NCKAP5: variants seen among roughly 807,000 people sequenced by gnomAD.
The protein encoded by NCKAP5 is NCK associated protein 5.
NCKAP5 carries 92 observed loss-of-function variants against 167.0 expected under a neutral mutation model. That is an observed-to-expected ratio of 0.55 (90% CI 0.47 to 0.66). The LOEUF (loss-of-function observed/expected upper bound fraction) is 0.66, where lower values mean the gene tolerates loss of function less well. NCKAP5 is among the 30% of genes least tolerant of loss of function. NCKAP5 has a pLI of 0.00. For missense variants in NCKAP5, 2,378 were observed against 2,315.0 expected (o/e 1.03, Z -0.56); for synonymous variants, 891 against 877.4 (o/e 1.02, Z -0.27).
intron 2 of NCKAP5, among the ~76,000 whole-genome samples, chr2:133,521,605 A>G (rs1354154878): frequency 6.6e-6 from 1 of 152,214 alleles, no homozygotes; most frequent in East Asian, 1.9e-4. Context: ...CTTGTCTTGC[A>G]GATGGACATC....
chr2:133,179,264 A>G (rs1190514516), intron 5 of NCKAP5, among the ~76,000 whole-genome samples: 1 of 147,336 alleles, frequency 6.8e-6, no homozygotes, highest in African/African-American at 2.5e-5. Context: ...TGCAGTTTGT[A>G]TTACACTTAC....
At chr2:133,192,199 AAC>A (rs1481781191) in intron 5 of NCKAP5, among the ~76,000 whole-genome samples, 2 of 152,080 alleles carry the variant, frequency 1.3e-5, no homozygotes, top group Non-Finnish European at 2.9e-5. Context: ...ATGTGGGAAA[AAC>A]AGTCTTCAAA....
intron 2 of NCKAP5, among the ~76,000 whole-genome samples, chr2:133,549,241 G>A (rs1684918341): frequency 6.6e-6 from 1 of 152,020 alleles, no homozygotes; most frequent in African/African-American, 2.4e-5. Flanking sequence ...AGTCCTGAGT[G>A]ACCTACAAAG....
At chr2:132,920,743 GTGT>G (rs1695301424) in intron 8 of NCKAP5, among the ~76,000 whole-genome samples, 1 of 68,456 alleles carries the variant, frequency 1.5e-5, no homozygotes, top group Non-Finnish European at 2.4e-5. Flanking sequence ...GTATATATAT[GTGT>G]ATATATATAT....
the NCKAP5 span, among the ~76,000 whole-genome samples, chr2:133,582,173 T>C: frequency 2.0e-5 from 3 of 152,168 alleles, no homozygotes; most frequent in African/African-American, 7.2e-5. Context: ...CAGTGGTTTT[T>C]AAAGTGTGGT....
chr2:132,916,993 C>A (rs1052317325), intron 8 of NCKAP5, among the ~76,000 whole-genome samples: 1 of 152,166 alleles, frequency 6.6e-6, no homozygotes, highest in Non-Finnish European at 1.5e-5. Context: ...ATAATGATGA[C>A]AACTAATGTT....
chr2:133,626,307 T>C, the NCKAP5 span, among the ~76,000 whole-genome samples: 1 of 152,138 alleles, frequency 6.6e-6, no homozygotes, highest in East Asian at 1.9e-4. Flanking sequence ...TGAATCTGAG[T>C]CTGATGAAGC....
the NCKAP5 span, among the ~76,000 whole-genome samples, chr2:133,625,869 T>G: frequency 1.6e-5 from 2 of 122,886 alleles, no homozygotes; most frequent in African/African-American, 5.8e-5. Context: ...GAGACTTGTC[T>G]CAAAAAAAAA....
At chr2:133,168,244 T>C (rs1371116312) in intron 5 of NCKAP5, among the ~76,000 whole-genome samples, 1 of 151,938 alleles carries the variant, frequency 6.6e-6, no homozygotes, top group African/African-American at 2.4e-5. Context: ...CTTAACAATT[T>C]CACATACTTT....
chr2:132,783,896 G>C lies in NCKAP5; in HGVS notation c.2915C>G (p.Pro972Arg), dbSNP rs368218260. 2 of 1,543,818 alleles carry C rather than the reference G, an allele frequency of 1.3e-6. No individual in the cohort carries two copies. The highest frequency in any genetic ancestry group is 2.3e-5 in the East Asian group (1 of 44,396). Reference protein sequence around the residue: ...SETARTPFKSPLLKGISAPVI... With the variant: ...SETARTPFKSRLLKGISAPVI... ...TGGAGCAGAAATTCCTTTCAGCAGC[G>C]GGGATTTGAATGGGGTCCTTGCTGT... Residue 972 changes from proline to arginine, a missense_variant, in exon 14 of 20, where the codon CCG becomes CGG. Coordinates refer to ENST00000409261, the MANE Select transcript of NCKAP5 (RefSeq NM_207363.3).
intron 3 of NCKAP5, among the ~76,000 whole-genome samples, chr2:133,492,241 C>T (rs910622744): frequency 6.6e-6 from 1 of 151,800 alleles, no homozygotes; most frequent in Non-Finnish European, 1.5e-5. Flanking sequence ...AGATTTGCCC[C>T]ACCCACTAAT....
chr2:133,017,168 T>C (rs1485420268), intron 6 of NCKAP5, among the ~76,000 whole-genome samples: 1 of 152,228 alleles, frequency 6.6e-6, no homozygotes, highest in African/African-American at 2.4e-5. Context: ...TACAAAACCA[T>C]CTGCTAATGT....
intron 2 of NCKAP5, among the ~76,000 whole-genome samples, chr2:133,520,438 G>C (rs1029693729): frequency 5.3e-5 from 8 of 152,098 alleles, no homozygotes; most frequent in Non-Finnish European, 8.8e-5. Flanking sequence ...AGCTTCCACT[G>C]CTTACTCTAT....
chr2:132,731,036 G>T (rs1690952324), intron 17 of NCKAP5, among the ~76,000 whole-genome samples: 2 of 152,160 alleles, frequency 1.3e-5, no homozygotes, highest in South Asian at 4.1e-4. Context: ...TCGATTTAAA[G>T]TTTTAGTTCC....
intron 2 of NCKAP5, among the ~76,000 whole-genome samples, chr2:133,543,171 C>G (rs1435951021): frequency 1.3e-5 from 2 of 152,108 alleles, no homozygotes; most frequent in Non-Finnish European, 2.9e-5. Flanking sequence ...TATGAGTTAA[C>G]ATGAGATCTG....
intron 16 of NCKAP5, among the ~76,000 whole-genome samples, chr2:132,746,018 T>C (rs1169281615): frequency 2.6e-5 from 4 of 152,022 alleles, no homozygotes; most frequent in Non-Finnish European, 5.9e-5. Context: ...GATCTACAGA[T>C]TCAATGACAT....
intron 5 of NCKAP5, among the ~76,000 whole-genome samples, chr2:133,205,125 CA>C (rs1425647201): frequency 1.3e-5 from 2 of 151,642 alleles, no homozygotes; most frequent in African/African-American, 2.4e-5. Flanking sequence ...CTTATCTCTA[CA>C]AAAAAATTTA....
chr2:132,818,805 C>G (rs892967100), intron 11 of NCKAP5, among the ~76,000 whole-genome samples: 1 of 152,184 alleles, frequency 6.6e-6, no homozygotes, highest in African/African-American at 2.4e-5. Context: ...GTGCTATAAA[C>G]TTGTGACTTT....
intron 8 of NCKAP5, among the ~76,000 whole-genome samples, chr2:132,899,969 G>A (rs1693492494): frequency 6.6e-6 from 1 of 152,150 alleles, no homozygotes; most frequent in Admixed American, 6.5e-5. Context: ...TACAAGCAGT[G>A]TAGGTTGAAT....
Sources: gnomAD v4.1 joint callset for allele counts (sites outside exome capture counted in the v4.1 genomes callset) on GRCh38, gnomAD v4.1.1 for gene constraint, MANE v1.5 for transcripts, NCBI Gene and HGNC (gene_info 2026-07-23, HGNC 2026-07-21) for gene names.